VPS13B: variants seen among roughly 807,000 people sequenced by gnomAD.
VPS13B encodes intermembrane lipid transfer protein VPS13B.
In VPS13B, 285 loss-of-function variants were observed where a neutral mutation model predicts 426.4. The ratio of observed to expected loss-of-function variants is 0.67; its 90% CI spans 0.61 to 0.74. The LOEUF is 0.74. VPS13B is among the 30% of genes least tolerant of loss of function. VPS13B has a pLI of 0.00. For synonymous variants in VPS13B, 1,676 were observed against 1,676.4 expected (o/e 1.00, Z 0.01); for missense variants, 4,537 against 4,782.6 (o/e 0.95, Z 1.51).
intron 2 of VPS13B, among the ~76,000 whole-genome samples, chr8:99,030,223 T>TG (rs1197797602): frequency 6.7e-6 from 1 of 150,070 alleles, no homozygotes; most frequent in African/African-American, 2.4e-5. Context: ...TTTTTTTTGT[T>TG]TTTTTTTTTC....
At chr8:99,673,055 A>C (rs1311386471) in intron 35 of VPS13B, among the ~76,000 whole-genome samples, 2 of 152,078 alleles carry the variant, frequency 1.3e-5, no homozygotes, top group African/African-American at 4.8e-5. Context: ...GGGTTTTTAC[A>C]TCTATGTTCA....
Position 99,476,549 on chromosome 8 carries a change from A to T in VPS13B, c.3667-5050A>T, listed in dbSNP as rs924143233. Among the ~76,000 whole-genome samples the T allele has an allele frequency of 2.0e-5, 3 of 152,318 alleles. 1 individual carries two copies. Among genetic ancestry groups the T allele is most frequent in the Admixed American group, 2.0e-4 (3 of 15,302 alleles). On this transcript the variant is annotated intron_variant, in intron 24 of 61. Coordinates refer to ENST00000357162, the MANE Select transcript of VPS13B (RefSeq NM_152564.5). ...AATCCAACTATTGAAAGCCACAAGT[A>T]AAGAACAAATATTGAATATATCACA... is the stretch of plus-strand genomic sequence containing the variant.
In VPS13B at chr8:99,193,091, A is replaced by G. The variant is rs781383823; in HGVS notation, c.2515+34A>G. On this transcript the variant is annotated intron_variant, in intron 17 of 61. Transcript: ENST00000357162. ...ACAGTCTTTTTGATAACTATATGGA[A>G]AATTTGTGTTAGAGGCAACTAATAT... is the stretch of plus-strand genomic sequence containing the variant. 1.4e-5 allele frequency: 22 copies of G among 1,608,538 alleles called. 1 individual carries two copies. The South Asian group carries it at 2.4e-4, about 18-fold the overall frequency.
intron 14 of VPS13B, among the ~76,000 whole-genome samples, chr8:99,148,897 A>G (rs1021358726): frequency 5.9e-5 from 9 of 152,262 alleles, no homozygotes; most frequent in Non-Finnish European, 1.3e-4. Flanking sequence ...GCATATGTGG[A>G]AAGCCCATAA....
intron 31 of VPS13B, among the ~76,000 whole-genome samples, chr8:99,558,672 T>G (rs1588493491): frequency 6.6e-6 from 1 of 152,290 alleles, no homozygotes; most frequent in East Asian, 1.9e-4. Context: ...TGGTTTTCTG[T>G]CCTTGCAATA....
chr8:99,590,382 T>G (rs1826569567), intron 33 of VPS13B, among the ~76,000 whole-genome samples: 1 of 152,226 alleles, frequency 6.6e-6, no homozygotes, highest in Non-Finnish European at 1.5e-5. Context: ...TGGTAGCTTT[T>G]GAATTTGTTT....
chr8:99,169,991 T>C lies in VPS13B; in HGVS notation c.2209-48T>C, dbSNP rs201092191. 9.4e-5 allele frequency: 151 copies of C among 1,609,218 alleles called. No homozygotes were observed. In the East Asian group the frequency reaches 3.3e-3, roughly 35 times the overall value. On this transcript the variant is annotated intron_variant, in intron 15 of 61. Transcript: ENST00000357162. ...ACTGACGTATTTCATCCTGTGCTTA[T>C]TAAAACTTTGTCTGTGTGAACACTT...
chr8:99,191,603 C>G (rs375605267), intron 16 of VPS13B, among the ~76,000 whole-genome samples: 1 of 151,736 alleles, frequency 6.6e-6, no homozygotes, highest in African/African-American at 2.4e-5. Flanking sequence ...AGGCTGGTCT[C>G]GAACTCCTGA....
At chr8:99,652,135 A>G (rs1447723452) in intron 34 of VPS13B, among the ~76,000 whole-genome samples, 1 of 152,142 alleles carries the variant, frequency 6.6e-6, no homozygotes, top group East Asian at 1.9e-4. Context: ...TTGAAGTTTT[A>G]TAAATGCCAA....
chr8:99,083,828 G>A (rs1267408988), intron 3 of VPS13B, among the ~76,000 whole-genome samples: 2 of 135,452 alleles, frequency 1.5e-5, no homozygotes, highest in African/African-American at 5.6e-5. Flanking sequence ...TGGTGGATAA[G>A]CTTTTTGATG....
At chr8:99,124,051 C>T (rs901499308) in intron 8 of VPS13B, among the ~76,000 whole-genome samples, 2 of 151,990 alleles carry the variant, frequency 1.3e-5, no homozygotes, top group East Asian at 3.9e-4. Context: ...GAGCCAAGCT[C>T]TGAGGCACTG....
intron 35 of VPS13B, chr8:99,698,143 C>T: frequency 4.2e-6 from 1 of 240,870 alleles, no homozygotes. Flanking sequence ...TCAGAGACTT[C>T]CATAATCAAG....
rs1352091602 is a variant in VPS13B, at chr8:99,053,034, C to G, written c.291+14468C>G. ...GGTTTTTTGTGTCTCTTATTTCCTT[C>G]AGTTGTGCTCTGATCTTAGTTATTT... On this transcript the variant is annotated intron_variant, in intron 3 of 61. Coordinates refer to ENST00000357162, the MANE Select transcript of VPS13B (RefSeq NM_152564.5). Among the ~76,000 whole-genome samples the G allele has an allele frequency of 3.3e-5, 5 of 151,946 alleles. No homozygotes were observed. In the East Asian group the frequency reaches 9.6e-4, roughly 29 times the overall value.
intron 33 of VPS13B, 102 bp from the exon 34 acceptor site, chr8:99,641,709 C>T (rs974483662): frequency 5.9e-6 from 7 of 1,184,812 alleles, no homozygotes; most frequent in African/African-American, 1.5e-5. Context: ...ATACTAGACT[C>T]ATTTTTAAAA....
intron 3 of VPS13B, among the ~76,000 whole-genome samples, chr8:99,075,396 C>T (rs1409946548): frequency 6.6e-6 from 1 of 152,092 alleles, no homozygotes; most frequent in Non-Finnish European, 1.5e-5. Flanking sequence ...GGAGGTACCA[C>T]ACACTTTTAA....
intron 35 of VPS13B, among the ~76,000 whole-genome samples, chr8:99,684,667 G>C (rs535005670): frequency 6.6e-6 from 1 of 152,278 alleles, no homozygotes; most frequent in East Asian, 1.9e-4. Flanking sequence ...TTTATAGCTG[G>C]TTTATTGCCA....
chr8:99,349,332 CAAAAAAAA>C (rs35441676), intron 19 of VPS13B, among the ~76,000 whole-genome samples: 8 of 47,732 alleles, frequency 1.7e-4, no homozygotes, highest in South Asian at 1.4e-3. Context: ...GACTCCGTCT[CAAAAAAAA>C]AAAAAAAAAA....
chr8:99,105,852 T>C (rs901349765), intron 5 of VPS13B, among the ~76,000 whole-genome samples: 3 of 152,066 alleles, frequency 2.0e-5, no homozygotes, highest in Non-Finnish European at 4.4e-5. Flanking sequence ...CAGTGCAAAC[T>C]TGGGTGAGTC....
intron 19 of VPS13B, among the ~76,000 whole-genome samples, chr8:99,348,708 T>C (rs1216963079): frequency 1.3e-5 from 2 of 152,232 alleles, no homozygotes; most frequent in Non-Finnish European, 2.9e-5. Flanking sequence ...TCATTACTTA[T>C]AAGGAGGAAC....
Sources: gnomAD v4.1 joint callset for allele counts (sites outside exome capture counted in the v4.1 genomes callset) on GRCh38, gnomAD v4.1.1 for gene constraint, MANE v1.5 for transcripts, NCBI Gene and HGNC (gene_info 2026-07-23, HGNC 2026-07-21) for gene names.